The following NGEF variants were observed in gnomAD, a reference collection of about 807,000 sequenced individuals.
NGEF encodes neuronal guanine nucleotide exchange factor, also known as ephexin-1.
A neutral mutation model predicts 80.9 loss-of-function variants in NGEF; 31 were observed. That is an observed-to-expected ratio of 0.38 (90% CI 0.29 to 0.52). The LOEUF is 0.52. Ranked by LOEUF, NGEF falls within the 20% of genes least tolerant of loss-of-function variation. The pLI is 0.84. For missense variants in NGEF, 709 were observed against 926.2 expected, an observed-to-expected ratio of 0.77 and a Z score of 3.04; for synonymous variants, 371 against 370.2, an observed-to-expected ratio of 1.00 and a Z score of -0.03.
At chr2:232,981,889 C>G (rs370847500) in intron 1 of NGEF, among the ~76,000 whole-genome samples, 1 of 152,216 alleles carries the variant, frequency 6.6e-6, no homozygotes, top group Admixed American at 6.5e-5. Context: ...TACACCTGCT[C>G]GGGAACAGGC....
chr2:232,931,136 G>A (rs1693208987), intron 3 of NGEF, among the ~76,000 whole-genome samples: 1 of 152,186 alleles, frequency 6.6e-6, no homozygotes, highest in Non-Finnish European at 1.5e-5. Flanking sequence ...ACAGGAAAGA[G>A]GTGACAGGTC....
At chr2:232,919,583 T>C (rs1251572318) in intron 5 of NGEF, among the ~76,000 whole-genome samples, 2 of 152,198 alleles carry the variant, frequency 1.3e-5, no homozygotes, top group Non-Finnish European at 2.9e-5. Context: ...CCCTTAATAC[T>C]CAAATAATCT....
intron 1 of NGEF, among the ~76,000 whole-genome samples, chr2:232,977,534 G>A (rs1257533713): frequency 6.6e-6 from 1 of 152,190 alleles, no homozygotes; most frequent in Non-Finnish European, 1.5e-5. Context: ...TCTTTCCCCG[G>A]CCCCTGTGCC....
intron 3 of NGEF, among the ~76,000 whole-genome samples, chr2:232,929,215 A>C (rs1229244875): frequency 6.6e-6 from 1 of 152,210 alleles, no homozygotes; most frequent in Non-Finnish European, 1.5e-5. Context: ...CCCACCCGGC[A>C]TTTGTTTAAA....
At chr2:232,885,090 T>G in intron 10 of NGEF, 190 bp downstream of exon 10, 1 of 592,362 alleles carries the variant, frequency 1.7e-6, no homozygotes. Flanking sequence ...CGGACCACCG[T>G]GGTGGTGTCT....
Position 232,881,132 on chromosome 2 carries a change from TC to T in NGEF, c.1942+13del. On this transcript the variant is annotated intron_variant, in intron 14 of 14. Coordinates refer to ENST00000264051, the MANE Select transcript of NGEF (RefSeq NM_019850.3). ...TTCCCCTGGGGGCCCCGAGGGGAGG[TC>T]CCTGGGCCTCACCGTCGTCAGTCTT... 1 of 1,607,920 alleles carries T rather than the reference TC, an allele frequency of 6.2e-7. No individual in the cohort carries two copies.
intron 5 of NGEF, among the ~76,000 whole-genome samples, chr2:232,897,618 C>G (rs1692141451): frequency 1.3e-5 from 2 of 152,320 alleles, no homozygotes; most frequent in Non-Finnish European, 1.5e-5. Context: ...GAACACCCCA[C>G]AGAGAGTTCA....
intron 4 of NGEF, among the ~76,000 whole-genome samples, chr2:232,921,373 T>C (rs1019636613): frequency 6.6e-6 from 1 of 152,174 alleles, no homozygotes; most frequent in Admixed American, 6.5e-5. Flanking sequence ...CAGGGTCTTG[T>C]CTATGGTGCC....
intron 3 of NGEF, among the ~76,000 whole-genome samples, chr2:232,942,436 T>C (rs1189194969): frequency 6.6e-6 from 1 of 152,196 alleles, no homozygotes; most frequent in Non-Finnish European, 1.5e-5. Flanking sequence ...TCTTTAGGGA[T>C]TGTCGGGTTC....
intron 5 of NGEF, among the ~76,000 whole-genome samples, chr2:232,906,128 A>G: frequency 1.4e-5 from 1 of 69,578 alleles, no homozygotes. Context: ...TGGGGGTCTC[A>G]GCCCCCCGCC....
chr2:232,918,366 G>A (rs1692856996), intron 5 of NGEF, among the ~76,000 whole-genome samples: 1 of 152,184 alleles, frequency 6.6e-6, no homozygotes, highest in African/African-American at 2.4e-5. Flanking sequence ...CTCCCAAAGT[G>A]CTGGGATTAC....
chr2:233,007,351 A>G (rs947772904), intron 1 of NGEF, among the ~76,000 whole-genome samples: 1 of 152,244 alleles, frequency 6.6e-6, no homozygotes, highest in African/African-American at 2.4e-5. Context: ...AAAGGTAGAT[A>G]ATGGCCCAGC....
intron 1 of NGEF, chr2:233,012,491 G>A (rs531512085): frequency 8.7e-4 from 183 of 210,220 alleles, no homozygotes; most frequent in African/African-American, 4.0e-3. Flanking sequence ...GAGCTAAAGC[G>A]CAGTGGGCTG....
At chr2:232,984,419 G>A (rs1004023472) in intron 1 of NGEF, among the ~76,000 whole-genome samples, 2 of 152,176 alleles carry the variant, frequency 1.3e-5, no homozygotes, top group African/African-American at 4.8e-5. Context: ...CTAGGAAGAA[G>A]AGAGTGGCAT....
chr2:232,907,188 G>GAAAAAAAAAAAAAAAAAA (rs10654316), intron 5 of NGEF, among the ~76,000 whole-genome samples: 1 of 113,158 alleles, frequency 8.8e-6, no homozygotes, highest in Non-Finnish European at 1.7e-5. Context: ...AGAAAAAAAA[G>GAAAAAAAAAAAAAAAAAA]AAAAAAAAAA....
chr2:232,917,500 T>G lies in NGEF; in HGVS notation c.828+2784A>C, dbSNP rs1285972157. 3.3e-5 allele frequency among the ~76,000 whole-genome samples: 5 copies of G among 152,010 alleles called. No homozygotes were observed. In the East Asian group the frequency reaches 9.6e-4, roughly 29 times the overall value. On this transcript the variant is annotated intron_variant, in intron 5 of 14. Transcript: ENST00000264051. ...TTTTTTTTTTTCTGAGATGGAGTCT[T>G]GCACTGTCGCCTGGGCTGGAGTGCA...
At chr2:232,967,584 C>T (rs1694089856) in intron 3 of NGEF, among the ~76,000 whole-genome samples, 1 of 152,190 alleles carries the variant, frequency 6.6e-6, no homozygotes, top group African/African-American at 2.4e-5. Flanking sequence ...ATCCTCCTAC[C>T]TCTTCCTCCC....
chr2:232,954,522 G>A lies in NGEF; in HGVS notation c.383+15692C>T, dbSNP rs113612468. ...AGGCGGATCGTGAAATCAGGAGATC[G>A]AGACCATCCTGGCTAACACGGTGAA... On this transcript the variant is annotated intron_variant, in intron 3 of 14. Transcript: ENST00000264051. Among the ~76,000 whole-genome samples, 875 of 151,982 alleles carry A rather than the reference G, an allele frequency of 5.8e-3. 8 individuals carry two copies. Among genetic ancestry groups the A allele is most frequent in the African/African-American group, 0.02 (823 of 41,454 alleles).
At position 232,963,285 on chromosome 2, in the gene NGEF, G is replaced by A. The variant is rs375031539; in HGVS notation, c.383+6929C>T. 1.6e-3 allele frequency among the ~76,000 whole-genome samples: 240 copies of A among 152,010 alleles called. 8 individuals carry two copies. The highest frequency in any genetic ancestry group is 5.7e-3 in the African/African-American group (234 of 41,286). On this transcript the variant is annotated intron_variant, in intron 3 of 14. Coordinates refer to ENST00000264051, the MANE Select transcript of NGEF (RefSeq NM_019850.3). ...GACTTTTGAAAAAAGTACCAATGCA[G>A]CTCTTTGATGGAACAGAAAACTTTC...
Sources: gnomAD v4.1 joint callset for allele counts (sites outside exome capture counted in the v4.1 genomes callset) on GRCh38, gnomAD v4.1.1 for gene constraint, MANE v1.5 for transcripts, NCBI Gene and HGNC (gene_info 2026-07-23, HGNC 2026-07-21) for gene names.